The following RGSL1 variants were observed in gnomAD, a reference collection of about 807,000 sequenced individuals.
The protein encoded by RGSL1 is regulator of G protein signaling protein-like.
Under a neutral mutation model 124.7 loss-of-function variants are expected in RGSL1, and 97 were observed. That is an observed-to-expected ratio of 0.78 (90% CI 0.66 to 0.92). RGSL1 has a LOEUF of 0.92. Ranked by LOEUF, RGSL1 falls within the 40% of genes least tolerant of loss-of-function variation. The pLI is 0.00. For missense variants in RGSL1, 1,233 were observed against 1,288.4 expected (o/e 0.96, Z 0.66); for synonymous variants, 424 against 438.1 (o/e 0.97, Z 0.40).
chr1:182,526,241 C>T (rs1370156599), intron 10 of RGSL1, among the ~76,000 whole-genome samples: 1 of 152,054 alleles, frequency 6.6e-6, no homozygotes, highest in Non-Finnish European at 1.5e-5. Context: ...TTCTATGAGG[C>T]CAGTATTTTC....
intron 14 of RGSL1, among the ~76,000 whole-genome samples, chr1:182,535,627 C>G (rs936234524): frequency 2.0e-5 from 3 of 152,156 alleles, no homozygotes; most frequent in African/African-American, 4.8e-5. Context: ...CATAGTGCCT[C>G]TCAACCAAAA....
chr1:182,468,196 G>A (rs1370135501), intron 4 of RGSL1, among the ~76,000 whole-genome samples: 1 of 152,202 alleles, frequency 6.6e-6, no homozygotes, highest in Non-Finnish European at 1.5e-5. Flanking sequence ...AACCATTGTG[G>A]AAGTCAGTGT....
rs918823974 is a variant in RGSL1 at position 182,472,537 on chromosome 1, C to T, written c.443C>T (p.Thr148Ile). Residue 148 changes from threonine (T) to isoleucine (I), a missense_variant, in exon 5 of 22, where the codon ACC (threonine) becomes ATC (isoleucine). Thr to Ile is a moderately conservative substitution (Grantham distance 89, BLOSUM62 -1). Coordinates refer to ENST00000294854, the MANE Select transcript of RGSL1 (RefSeq NM_001137669.2). ...CTGCAGGAGGGCTCCAGGGTGGTAA[C>T]CCTCTGTAACATGAACATCAGTAAG... ...THLQEGSRVV[T>I]LCNMNIKSLL... 87 of 1,536,974 alleles carry T rather than the reference C, an allele frequency of 5.7e-5. No individual in the cohort carries two copies. The highest frequency in any genetic ancestry group is 7.6e-5 in the Non-Finnish European group (86 of 1,137,640).
intron 6 of RGSL1, among the ~76,000 whole-genome samples, chr1:182,482,151 C>T (rs922053607): frequency 6.6e-6 from 1 of 152,122 alleles, no homozygotes; most frequent in South Asian, 2.1e-4. Flanking sequence ...ATCAGCTCAA[C>T]AGATGCAGAA....
At chr1:182,533,092 A>C (rs1040707019) in intron 14 of RGSL1, among the ~76,000 whole-genome samples, 1 of 152,128 alleles carries the variant, frequency 6.6e-6, no homozygotes, top group African/African-American at 2.4e-5. Flanking sequence ...TATTTTCAAA[A>C]TTTTTCTGCT....
chr1:182,460,230 G>A (rs1231013856), intron 4 of RGSL1, 97 bp downstream of exon 4: 9 of 950,736 alleles, frequency 9.5e-6, no homozygotes, highest in African/African-American at 3.5e-5. Context: ...ATGCCTGTAT[G>A]TGTGTGTGTG....
intron 11 of RGSL1, among the ~76,000 whole-genome samples, chr1:182,528,162 G>A (rs1658893655): frequency 6.6e-6 from 1 of 152,100 alleles, no homozygotes; most frequent in Admixed American, 6.6e-5. Flanking sequence ...GAAGCCCCTT[G>A]TAAAATCATC....
At chr1:182,554,515 T>C (rs1257883487) in intron 19 of RGSL1, 112 bp from the exon 20 acceptor site, 4 of 831,114 alleles carry the variant, frequency 4.8e-6, no homozygotes, top group Non-Finnish European at 8.0e-6. Flanking sequence ...AACCCCTACA[T>C]TGGAGGTGTC....
chr1:182,481,715 G>C (rs115659835), intron 6 of RGSL1, among the ~76,000 whole-genome samples: 1,559 of 151,340 alleles, frequency 0.01, 25 homozygotes, highest in African/African-American at 0.036. Flanking sequence ...AGGTGCAGTG[G>C]TTCATGCCTG....
chr1:182,517,194 C>T (rs566841447), intron 9 of RGSL1, among the ~76,000 whole-genome samples: 6 of 151,810 alleles, frequency 4.0e-5, no homozygotes, highest in Admixed American at 1.3e-4. Flanking sequence ...TGCTCAACTC[C>T]CTGCTGTTCT....
chr1:182,488,528 G>A (rs1655265159), intron 7 of RGSL1, 181 bp downstream of exon 7: 3 of 607,926 alleles, frequency 4.9e-6, no homozygotes, highest in Non-Finnish European at 8.4e-6. Flanking sequence ...AGGACTCAGT[G>A]CATAAGATGA....
chr1:182,481,109 G>T (rs1434821278), intron 6 of RGSL1, among the ~76,000 whole-genome samples: 21 of 151,818 alleles, frequency 1.4e-4, no homozygotes, highest in Admixed American at 1.2e-3. Context: ...GATTAGAGAA[G>T]AAATAAATGA....
intron 9 of RGSL1, among the ~76,000 whole-genome samples, chr1:182,507,015 G>C (rs1187208827): frequency 9.7e-6 from 1 of 103,558 alleles, no homozygotes; most frequent in Non-Finnish European, 1.9e-5. Flanking sequence ...TTGTGACAGA[G>C]TTTCACTTTT....
At chr1:182,499,689 G>A (rs1458163990) in intron 9 of RGSL1, among the ~76,000 whole-genome samples, 1 of 152,142 alleles carries the variant, frequency 6.6e-6, no homozygotes, top group Non-Finnish European at 1.5e-5. Context: ...GGTTAATATT[G>A]ATAGGTGTGG....
intron 4 of RGSL1, among the ~76,000 whole-genome samples, chr1:182,470,675 T>G (rs1653760314): frequency 6.6e-6 from 1 of 152,186 alleles, no homozygotes; most frequent in South Asian, 2.1e-4. Flanking sequence ...CCTGTCTCCT[T>G]CACAAGAATA....
intron 6 of RGSL1, among the ~76,000 whole-genome samples, chr1:182,483,319 T>C (rs1654851712): frequency 6.6e-6 from 1 of 152,100 alleles, no homozygotes; most frequent in Admixed American, 6.6e-5. Context: ...GAGGACAGGT[T>C]TGTGGTATTG....
At position 182,551,202 on chromosome 1, in the gene RGSL1, G is replaced by T; in HGVS notation, c.3036G>T (p.Ser1012=). 6.5e-7 allele frequency: 1 copy of T among 1,549,784 alleles called. No individual in the cohort carries two copies. The highest frequency in any genetic ancestry group is 1.4e-5 in the African/African-American group (1 of 72,998). The change falls in exon 18 of 22, where the codon TCG becomes TCT. Residue 1012 remains serine (S), a synonymous_variant. Coordinates refer to ENST00000294854, the MANE Select transcript of RGSL1 (RefSeq NM_001137669.2). Reference sequence around the variant, plus strand: ...AATCTACGGACAAGTATCCTTTCTCGAGTGGAGGTAAGCTCCACCACGACT... The same window carrying T: ...AATCTACGGACAAGTATCCTTTCTCTAGTGGAGGTAAGCTCCACCACGACT... The part of the protein sequence containing the change: ...PPKSTDKYPF[S]SGGDNAILRF...
intron 9 of RGSL1, among the ~76,000 whole-genome samples, chr1:182,515,552 A>AG (rs1316033045): frequency 0.036 from 1,942 of 53,256 alleles, 78 homozygotes; most frequent in African/African-American, 0.099. Context: ...AAAAAAAAAA[A>AG]AGGGGGGGGC....
chr1:182,509,362 G>T (rs1245088737), intron 9 of RGSL1, among the ~76,000 whole-genome samples: 1 of 30,658 alleles, frequency 3.3e-5, no homozygotes, highest in Non-Finnish European at 9.4e-5. Context: ...CCGGGCAGAG[G>T]GGCTCCTCAC....
Sources: gnomAD v4.1 joint callset for allele counts (sites outside exome capture counted in the v4.1 genomes callset) on GRCh38, gnomAD v4.1.1 for gene constraint, MANE v1.5 for transcripts, NCBI Gene and HGNC (gene_info 2026-07-23, HGNC 2026-07-21) for gene names.